Variants in KCNMA1 observed in about 807,000 individuals in gnomAD.
KCNMA1 encodes potassium calcium-activated channel subfamily M alpha 1.
A neutral mutation model predicts 140.0 loss-of-function variants in KCNMA1; 29 were observed. That is an observed-to-expected ratio of 0.21 (90% CI 0.15 to 0.28). KCNMA1 has a LOEUF of 0.28. KCNMA1 is among the 10% of genes least tolerant of loss of function. The pLI is 1.00. For synonymous variants in KCNMA1, 612 were observed against 611.9 expected, an observed-to-expected ratio of 1.00 and a Z score of 0.00; for missense variants, 880 against 1,602.2, an observed-to-expected ratio of 0.55 and a Z score of 7.70.
chr10:76,949,491 AT>A, intron 21 of KCNMA1, 125 bp from the exon 22 acceptor site: 1 of 797,566 alleles, frequency 1.3e-6, no homozygotes, highest in Non-Finnish European at 2.1e-6. Context: ...ATGTGCTATT[AT>A]TTTTATTTCA....
chr10:77,020,464 C>T (rs575899888), intron 16 of KCNMA1: 2 of 152,290 alleles, frequency 1.3e-5, no homozygotes, highest in African/African-American at 2.4e-5. Context: ...CTATTATTAA[C>T]ACTCAATAAT....
chr10:77,039,281 G>A, intron 15 of KCNMA1: 1 of 579,310 alleles, frequency 1.7e-6, no homozygotes, highest in Non-Finnish European at 3.1e-6. Flanking sequence ...TCATAAGTTA[G>A]CATAAATGAT....
At chr10:77,543,445 G>A (rs1234158870) in intron 1 of KCNMA1, among the ~76,000 whole-genome samples, 1 of 152,070 alleles carries the variant, frequency 6.6e-6, no homozygotes, top group Non-Finnish European at 1.5e-5. Flanking sequence ...AAAAAATATG[G>A]CACTTGTGAA....
In KCNMA1 at chr10:76,984,827, A is replaced by G. The variant is rs560030510; in HGVS notation, c.2267-14760T>C. On this transcript the variant is annotated intron_variant, in intron 19 of 27. Coordinates refer to ENST00000286628, the MANE Select transcript of KCNMA1 (RefSeq NM_001161352.2). ...GTTGGATTTCAAATAAACCTTAGCA[A>G]TTGAGGGGCATTGTCGTACTGGAAG... is the stretch of plus-strand genomic sequence containing the variant. Among the ~76,000 whole-genome samples the G allele has an allele frequency of 9.8e-5, 15 of 152,316 alleles. No individual in the cohort carries two copies. The East Asian group carries it at 2.7e-3, about 27-fold the overall frequency.
intron 19 of KCNMA1, among the ~76,000 whole-genome samples, chr10:76,997,328 C>T (rs900303645): frequency 2.6e-4 from 39 of 152,334 alleles, no homozygotes; most frequent in African/African-American, 7.7e-4. Context: ...CAAAAGGCTG[C>T]ATGTAATTGT....
At chr10:76,959,090 A>G (rs1176551260) in intron 20 of KCNMA1, among the ~76,000 whole-genome samples, 2 of 152,042 alleles carry the variant, frequency 1.3e-5, no homozygotes, top group Non-Finnish European at 2.9e-5. Context: ...CCCCTCTCCA[A>G]CCACCTTCTC....
In KCNMA1 at chr10:77,603,179, C is replaced by A. The variant is rs374940623; in HGVS notation, c.378+34086G>T. ...CAAAAAATAGGATTCCCACATCCCCCCTGGTGCCCTCAGGGCTCCTTGTAC... is the reference window on the plus strand; with the variant it reads ...CAAAAAATAGGATTCCCACATCCCCACTGGTGCCCTCAGGGCTCCTTGTAC... On this transcript the variant is annotated intron_variant, in intron 1 of 27. Transcript: ENST00000286628. Among the ~76,000 whole-genome samples the A allele has an allele frequency of 1.2e-4, 18 of 152,180 alleles. 1 individual carries two copies. In the East Asian group the frequency reaches 1.9e-3, roughly 16 times the overall value.
intron 23 of KCNMA1, among the ~76,000 whole-genome samples, chr10:76,934,838 G>A (rs2152744374): frequency 6.6e-6 from 1 of 152,214 alleles, no homozygotes; most frequent in East Asian, 1.9e-4. Flanking sequence ...CTAGGCTTTG[G>A]GCGCTACAGT....
intron 15 of KCNMA1, among the ~76,000 whole-genome samples, chr10:77,028,972 T>C (rs1240511214): frequency 6.6e-6 from 1 of 152,212 alleles, no homozygotes; most frequent in Non-Finnish European, 1.5e-5. Context: ...AATAAGGCCA[T>C]AAAGTACAGT....
chr10:77,575,656 G>A lies in KCNMA1; in HGVS notation c.378+61609C>T, dbSNP rs553305247. ...GTTCACAGGCCTAAAATGCTGGTTC[G>A]CAATATTGGCTGCACATTAGGATCA... On this transcript the variant is annotated intron_variant, in intron 1 of 27. Transcript: ENST00000286628. Among the ~76,000 whole-genome samples the A allele has an allele frequency of 1.3e-4, 20 of 152,358 alleles. 1 individual carries two copies. The South Asian group carries it at 1.7e-3, about 13-fold the overall frequency.
At chr10:77,099,406 A>C (rs1169537801) in intron 9 of KCNMA1, among the ~76,000 whole-genome samples, 2 of 152,150 alleles carry the variant, frequency 1.3e-5, no homozygotes, top group East Asian at 3.9e-4. Flanking sequence ...CTGTAGACTC[A>C]ACATACTTGC....
At chr10:77,155,965 C>T (rs982330994) in intron 5 of KCNMA1, among the ~76,000 whole-genome samples, 7 of 152,064 alleles carry the variant, frequency 4.6e-5, no homozygotes, top group East Asian at 1.9e-4. Flanking sequence ...TGGTGGCTCA[C>T]GCCTGTAATC....
chr10:76,998,134 G>A (rs1036221379), intron 19 of KCNMA1, among the ~76,000 whole-genome samples: 6 of 152,094 alleles, frequency 3.9e-5, no homozygotes, highest in Admixed American at 1.3e-4. Context: ...CCACAGTAAT[G>A]GGCCACACCT....
chr10:76,947,315 C>A (rs755344539), intron 22 of KCNMA1, among the ~76,000 whole-genome samples: 2 of 152,122 alleles, frequency 1.3e-5, no homozygotes, highest in Non-Finnish European at 2.9e-5. Flanking sequence ...CCAGCCTGGG[C>A]AGCAAGAGTG....
intron 5 of KCNMA1, among the ~76,000 whole-genome samples, chr10:77,168,075 A>G (rs1597721132): frequency 6.6e-6 from 1 of 152,184 alleles, no homozygotes; most frequent in East Asian, 1.9e-4. Context: ...TCTCATTGGT[A>G]GGGCTTTTAA....
At chr10:76,952,281 G>A (rs2152974857) in intron 21 of KCNMA1, 1 of 1,134,090 alleles carries the variant, frequency 8.8e-7, no homozygotes, top group East Asian at 2.7e-5. Context: ...AGCACTTTGG[G>A]AGGCCAAGGT....
At chr10:77,229,352 A>C (rs1483667440) in intron 3 of KCNMA1, among the ~76,000 whole-genome samples, 2 of 150,878 alleles carry the variant, frequency 1.3e-5, no homozygotes, top group African/African-American at 2.4e-5. Context: ...AAAAAAAAAA[A>C]AAAACTTTCT....
At chr10:77,223,055 C>T (rs140885690) in intron 3 of KCNMA1, among the ~76,000 whole-genome samples, 239 of 152,056 alleles carry the variant, frequency 1.6e-3, no homozygotes, top group Non-Finnish European at 2.7e-3. Flanking sequence ...TGGTGAAACC[C>T]CGTCTCTACT....
intron 20 of KCNMA1, among the ~76,000 whole-genome samples, chr10:76,956,077 C>CA (rs1472444597): frequency 6.6e-6 from 1 of 152,040 alleles, no homozygotes; most frequent in Non-Finnish European, 1.5e-5. Context: ...AGCAAGCTGA[C>CA]AAAAAACACT....
Sources: allele counts gnomAD v4.1 joint callset (sites outside exome capture counted in the v4.1 genomes callset), GRCh38; gene constraint gnomAD v4.1.1; transcripts MANE v1.5; gene names NCBI Gene and HGNC (gene_info 2026-07-23, HGNC 2026-07-21).